The following TRPM1 variants were observed in gnomAD, a reference collection of about 807,000 sequenced individuals.
TRPM1 encodes the protein TRPM1-203 APA Isoform, Intron 10.
Under a neutral mutation model 149.4 loss-of-function variants are expected in TRPM1, and 113 were observed. That is an observed-to-expected ratio of 0.76 (90% CI 0.65 to 0.88). TRPM1 has a LOEUF of 0.88. TRPM1 is among the 40% of genes least tolerant of loss of function. TRPM1 has a pLI of 0.00. For synonymous variants in TRPM1, 741 were observed against 759.5 expected, an observed-to-expected ratio of 0.98 and a Z score of 0.40; for missense variants, 1,976 against 2,038.7, an observed-to-expected ratio of 0.97 and a Z score of 0.59.
intron 1 of TRPM1, among the ~76,000 whole-genome samples, chr15:31,088,626 G>T (rs570266225): frequency 1.3e-5 from 2 of 152,322 alleles, no homozygotes; most frequent in South Asian, 4.1e-4. Context: ...GGAAACATCT[G>T]AAGGAACAAA....
At chr15:31,120,981 C>CT (rs1491223581) in intron 1 of TRPM1, among the ~76,000 whole-genome samples, 4 of 152,044 alleles carry the variant, frequency 2.6e-5, no homozygotes, top group Non-Finnish European at 5.9e-5. Context: ...GTAATCCCAG[C>CT]ACTTTGGGAG....
At chr15:31,119,212 G>T (rs945255977) in intron 1 of TRPM1, among the ~76,000 whole-genome samples, 2 of 151,552 alleles carry the variant, frequency 1.3e-5, no homozygotes, top group Non-Finnish European at 2.9e-5. Flanking sequence ...TCGCACTCCA[G>T]CCTGGGCAAC....
rs1368104975 is a variant in TRPM1 at position 31,074,842 on chromosome 15, C to T, written c.83+2063G>A. Among the ~76,000 whole-genome samples the T allele has an allele frequency of 2.0e-5, 3 of 152,056 alleles. No individual in the cohort carries two copies. In the South Asian group the frequency reaches 6.2e-4, roughly 32 times the overall value. ...AATTTCCCTGTCCGTACTACTTTAC[C>T]TGCATCCCCTAAGTTTTGGTTTGTT... On this transcript the variant is annotated intron_variant, in intron 3 of 27. Coordinates refer to ENST00000256552, the MANE Select transcript of TRPM1 (RefSeq NM_001252024.2).
intron 1 of TRPM1, among the ~76,000 whole-genome samples, chr15:31,153,807 T>C (rs1273621006): frequency 1.3e-5 from 2 of 152,224 alleles, no homozygotes; most frequent in Non-Finnish European, 2.9e-5. Flanking sequence ...GGGCATGTTA[T>C]TGAAAACATC....
intron 1 of TRPM1, among the ~76,000 whole-genome samples, chr15:31,118,508 C>T (rs748705187): frequency 2.0e-5 from 3 of 150,430 alleles, no homozygotes; most frequent in Non-Finnish European, 4.4e-5. Flanking sequence ...GAGAAAATTT[C>T]GGAAAAAAAA....
chr15:31,108,799 T>C (rs1468580922), intron 1 of TRPM1, among the ~76,000 whole-genome samples: 2 of 152,238 alleles, frequency 1.3e-5, no homozygotes, highest in African/African-American at 2.4e-5. Flanking sequence ...CAGCCTTTTT[T>C]CTTTATTTTT....
intron 8 of TRPM1, 81 bp from the exon 9 acceptor site, chr15:31,062,783 A>G: frequency 6.6e-7 from 1 of 1,503,802 alleles, no homozygotes; most frequent in African/African-American, 1.4e-5. Context: ...TCTGTCTTTG[A>G]TTTGAGACTT....
At chr15:31,065,205 A>G in intron 7 of TRPM1, 2 of 512,996 alleles carry the variant, frequency 3.9e-6, no homozygotes, top group South Asian at 2.8e-5. Flanking sequence ...AAAAACATTC[A>G]GTCATCGACC....
intron 1 of TRPM1, among the ~76,000 whole-genome samples, chr15:31,109,714 A>AT (rs2035659299): frequency 6.6e-6 from 1 of 151,802 alleles, no homozygotes; most frequent in Non-Finnish European, 1.5e-5. Flanking sequence ...AAAAAAAAAA[A>AT]ACCAGGAGTA....
chr15:31,086,908 T>G (rs1008744407), intron 1 of TRPM1, among the ~76,000 whole-genome samples: 4 of 152,170 alleles, frequency 2.6e-5, no homozygotes, highest in African/African-American at 9.6e-5. Flanking sequence ...ACAAACTGAT[T>G]TAAAAAAGGA....
At chr15:31,073,024 C>A (rs1233018003) in intron 3 of TRPM1, among the ~76,000 whole-genome samples, 1 of 152,014 alleles carries the variant, frequency 6.6e-6, no homozygotes, top group East Asian at 1.9e-4. Context: ...TTGGTAAAGA[C>A]AATTTTTTTG....
At chr15:31,101,191 T>G (rs1442517094) in intron 1 of TRPM1, among the ~76,000 whole-genome samples, 1 of 152,206 alleles carries the variant, frequency 6.6e-6, no homozygotes, top group African/African-American at 2.4e-5. Context: ...AGTAAGATGC[T>G]AAGGAATGAC....
intron 1 of TRPM1, among the ~76,000 whole-genome samples, chr15:31,154,980 T>A (rs772018933): frequency 1.3e-5 from 2 of 152,166 alleles, no homozygotes; most frequent in African/African-American, 4.8e-5. Flanking sequence ...CTCAGGGAGA[T>A]TGATTTGAGT....
chr15:31,109,412 A>G (rs1341239632), intron 1 of TRPM1, among the ~76,000 whole-genome samples: 1 of 151,022 alleles, frequency 6.6e-6, no homozygotes, highest in African/African-American at 2.4e-5. Context: ...AATAGAAAGA[A>G]GAGGCCAGGT....
In TRPM1 at chr15:31,002,668, G is replaced by C; in HGVS notation, c.4032C>G (p.Asn1344Lys). Residue 1344 changes from asparagine (N) to lysine (K), a missense_variant, in exon 28 of 28, where the codon AAC (asparagine) becomes AAG (lysine). By Grantham distance (94) the Asn-to-Lys change is moderately conservative. Transcript: ENST00000256552. ...VKTHLVPECQ[N>K]SLHLSLGTST... ...TTGTGCCCAGTGAAAGGTGAAGACTGTTCTGACATTCTGGGACTAGGTGCG... is the reference window on the plus strand; with the variant it reads ...TTGTGCCCAGTGAAAGGTGAAGACTCTTCTGACATTCTGGGACTAGGTGCG... The C allele has an allele frequency of 6.2e-7, 1 of 1,614,192 alleles. No individual in the cohort carries two copies. Among genetic ancestry groups the C allele is most frequent in the Non-Finnish European group, 8.5e-7 (1 of 1,180,036 alleles).
chr15:31,044,739 C>T (rs190952106), intron 16 of TRPM1, among the ~76,000 whole-genome samples: 180 of 146,676 alleles, frequency 1.2e-3, no homozygotes, highest in African/African-American at 4.5e-3. Context: ...CGAGATTGCA[C>T]CATTGCACTC....
At chr15:31,082,419 C>A (rs1375540083) in intron 1 of TRPM1, among the ~76,000 whole-genome samples, 1 of 152,174 alleles carries the variant, frequency 6.6e-6, no homozygotes, top group Non-Finnish European at 1.5e-5. Context: ...CGCCCCCAAC[C>A]CCTCTGAGCT....
chr15:31,105,456 TGTGTGTGTGTGTGTGTGCGC>T (rs997552115), upstream of TRPM1, among the ~76,000 whole-genome samples: 1 of 47,946 alleles, frequency 2.1e-5, no homozygotes, highest in African/African-American at 7.3e-5. Flanking sequence ...TGTGTGTGTG[TGTGTGTGTGTGTGTGTGCGC>T]GCGCGCGCGC....
At chr15:31,013,633 C>T (rs933816882) in intron 27 of TRPM1, among the ~76,000 whole-genome samples, 1 of 152,064 alleles carries the variant, frequency 6.6e-6, no homozygotes, top group Non-Finnish European at 1.5e-5. Flanking sequence ...TAAAAGTGGA[C>T]ATGTTGAGTA....
Sources: allele counts gnomAD v4.1 joint callset (sites outside exome capture counted in the v4.1 genomes callset), GRCh38; gene constraint gnomAD v4.1.1; transcripts MANE v1.5; gene names NCBI Gene and HGNC (gene_info 2026-07-23, HGNC 2026-07-21).